Variants in CSMD1 observed in about 807,000 individuals in gnomAD.
CSMD1 encodes the protein CUB and Sushi multiple domains 1.
A neutral mutation model predicts 417.5 loss-of-function variants in CSMD1; 213 were observed. The observed-to-expected ratio is 0.51, with a 90% CI of 0.46 to 0.57. The LOEUF (loss-of-function observed/expected upper bound fraction) is 0.57. Ranked by LOEUF, CSMD1 falls within the 20% of genes least tolerant of loss-of-function variation. The pLI, the probability that CSMD1 is intolerant of heterozygous loss-of-function variation, is 0.00. For synonymous variants in CSMD1, 2,862 were observed against 1,736.8 expected (o/e 1.65, Z -16.11); for missense variants, 6,923 against 4,529.7 (o/e 1.53, Z -15.17).
intron 53 of CSMD1, among the ~76,000 whole-genome samples, chr8:2,998,976 C>T (rs562437357): frequency 7.9e-5 from 12 of 152,250 alleles, no homozygotes; most frequent in Non-Finnish European, 1.6e-4. Flanking sequence ...TTTCTTTTGT[C>T]TACTTCATAG....
At chr8:4,965,372 G>A (rs1420147337) in intron 1 of CSMD1, among the ~76,000 whole-genome samples, 1 of 152,122 alleles carries the variant, frequency 6.6e-6, no homozygotes, top group African/African-American at 2.4e-5. Flanking sequence ...GTGTACACAA[G>A]GTCCCCCTAT....
intron 2 of CSMD1, among the ~76,000 whole-genome samples, chr8:4,439,368 T>C (rs1228775398): frequency 1.3e-5 from 2 of 152,182 alleles, no homozygotes; most frequent in African/African-American, 4.8e-5. Flanking sequence ...GATATTACTA[T>C]ACAACTTTGT....
At chr8:4,254,335 G>A (rs974193677) in intron 3 of CSMD1, among the ~76,000 whole-genome samples, 3 of 152,132 alleles carry the variant, frequency 2.0e-5, no homozygotes, top group East Asian at 3.9e-4. Context: ...TTCGTTCTAT[G>A]GAGAGTCTGC....
At chr8:4,750,409 T>A (rs1811238812) in intron 1 of CSMD1, among the ~76,000 whole-genome samples, 1 of 152,176 alleles carries the variant, frequency 6.6e-6, no homozygotes, top group Non-Finnish European at 1.5e-5. Context: ...TTCCTTAGGA[T>A]AAATATGTGT....
intron 49 of CSMD1, among the ~76,000 whole-genome samples, chr8:3,066,199 C>T (rs146654465): frequency 0.012 from 1,770 of 152,274 alleles, 40 homozygotes; most frequent in African/African-American, 0.04. Flanking sequence ...TTAAACTCCG[C>T]TTCATTAACT....
chr8:3,535,033 C>A (rs11776344), intron 10 of CSMD1, among the ~76,000 whole-genome samples: 56,429 of 152,022 alleles, frequency 0.37, 11,494 homozygotes, highest in East Asian at 0.66. Flanking sequence ...CCGTAGCATT[C>A]AACTCCTGGG....
intron 3 of CSMD1, among the ~76,000 whole-genome samples, chr8:4,321,237 C>T (rs1226307310): frequency 6.6e-6 from 1 of 152,084 alleles, no homozygotes; most frequent in African/African-American, 2.4e-5. Flanking sequence ...GGCGTGCCTA[C>T]AGCTAGTCCC....
At chr8:4,319,433 T>TTC (rs1799132174) in intron 3 of CSMD1, among the ~76,000 whole-genome samples, 1 of 152,130 alleles carries the variant, frequency 6.6e-6, no homozygotes, top group Non-Finnish European at 1.5e-5. Context: ...ATACCTACAC[T>TTC]TCTTTCCAAA....
At chr8:4,343,658 C>T (rs1800610455) in intron 3 of CSMD1, among the ~76,000 whole-genome samples, 1 of 152,108 alleles carries the variant, frequency 6.6e-6, no homozygotes, top group Non-Finnish European at 1.5e-5. Flanking sequence ...TCCTAGGAGA[C>T]AAAGTCTGTG....
intron 9 of CSMD1, among the ~76,000 whole-genome samples, chr8:3,575,686 G>C (rs1390308163): frequency 6.7e-6 from 1 of 150,050 alleles, no homozygotes; most frequent in Non-Finnish European, 1.5e-5. Context: ...TTTATTGCAA[G>C]TTTAAAGAAA....
intron 1 of CSMD1, among the ~76,000 whole-genome samples, chr8:4,806,600 T>G (rs1335374214): frequency 1.3e-5 from 2 of 152,214 alleles, no homozygotes; most frequent in Non-Finnish European, 2.9e-5. Flanking sequence ...AAAAGGTAAT[T>G]AACTTTCTCT....
chr8:4,276,563 C>T (rs1468387767), intron 3 of CSMD1, among the ~76,000 whole-genome samples: 1 of 152,062 alleles, frequency 6.6e-6, no homozygotes, highest in South Asian at 2.1e-4. Context: ...GCACGTTCTG[C>T]ACATGTACCC....
At chr8:3,396,487 G>A (rs1811710076) in intron 16 of CSMD1, 106 bp from the exon 17 acceptor site, 3 of 732,600 alleles carry the variant, frequency 4.1e-6, no homozygotes, top group East Asian at 2.9e-5. Flanking sequence ...ACGTTAACAT[G>A]AAGAAAATAG....
At chr8:3,983,095 C>A (rs2449818) in intron 5 of CSMD1, among the ~76,000 whole-genome samples, 2 of 150,690 alleles carry the variant, frequency 1.3e-5, no homozygotes, top group Non-Finnish European at 2.9e-5. Context: ...TGATGTAAAA[C>A]GCCTCAGACA....
At chr8:4,904,534 C>A (rs1246887278) in intron 1 of CSMD1, among the ~76,000 whole-genome samples, 4 of 152,080 alleles carry the variant, frequency 2.6e-5, no homozygotes, top group Admixed American at 2.6e-4. Context: ...TCCTACACTG[C>A]CCTCTCTGTG....
chr8:4,330,727 T>C (rs772110533), intron 3 of CSMD1, among the ~76,000 whole-genome samples: 2 of 152,178 alleles, frequency 1.3e-5, no homozygotes, highest in African/African-American at 2.4e-5. Context: ...CCCAATCAAG[T>C]TCGTGACTTA....
At chr8:4,924,773 A>T (rs549036201) in intron 1 of CSMD1, among the ~76,000 whole-genome samples, 1 of 149,952 alleles carries the variant, frequency 6.7e-6, no homozygotes, top group East Asian at 2.0e-4. Context: ...TAAACATTTT[A>T]AAATCACTCA....
intron 3 of CSMD1, among the ~76,000 whole-genome samples, chr8:4,205,540 A>G (rs1395157314): frequency 6.6e-6 from 1 of 152,218 alleles, no homozygotes; most frequent in Non-Finnish European, 1.5e-5. Context: ...TGAAACTGAC[A>G]TTGAAAGTTG....
intron 2 of CSMD1, among the ~76,000 whole-genome samples, chr8:4,619,731 C>G (rs535908736): frequency 1.8e-3 from 272 of 152,162 alleles, no homozygotes; most frequent in African/African-American, 6.2e-3. Context: ...AGTATGTGTT[C>G]TTTGTTTTCT....
Sources: allele counts gnomAD v4.1 joint callset (sites outside exome capture counted in the v4.1 genomes callset), GRCh38; gene constraint gnomAD v4.1.1; transcripts MANE v1.5; gene names NCBI Gene and HGNC (gene_info 2026-07-23, HGNC 2026-07-21).